The following TACC3 variants were observed in gnomAD, a reference collection of about 807,000 sequenced individuals.
TACC3 encodes the protein transforming acidic coiled-coil-containing protein 3.
In TACC3, 52 loss-of-function variants were observed where a neutral mutation model predicts 86.0. The ratio of observed to expected loss-of-function variants is 0.60; its 90% confidence interval spans 0.48 to 0.76. The LOEUF is 0.76. TACC3 is among the 30% of genes least tolerant of loss of function. The pLI, the probability that TACC3 is intolerant of heterozygous loss-of-function variation, is 0.00. For missense variants in TACC3, 1,120 were observed against 1,070.4 expected (o/e 1.05, Z -0.65); for synonymous variants, 512 against 430.0 (o/e 1.19, Z -2.36).
At chr4:1,723,252 G>T in intron 1 of TACC3, 169 bp from the exon 2 acceptor site, 1 of 683,946 alleles carries the variant, frequency 1.5e-6, no homozygotes, top group Non-Finnish European at 2.5e-6. Flanking sequence ...TGGGGACTCA[G>T]TCTGAGGCTT....
chr4:1,728,486 G>A lies in TACC3; in HGVS notation c.1084G>A (p.Gly362Ser), dbSNP rs753362559. The change falls in exon 4 of 16, where the codon GGC (glycine) becomes AGC (serine). Residue 362 changes from glycine (G) to serine (S), a missense_variant. Physicochemically the swap from Gly to Ser is moderately conservative, Grantham distance 56. Transcript: ENST00000313288. ...ACCAAGGAGACTGGGAGAGAGGTCCGGCCTCAAGCCTCCCTTGAGGAAAGC... is the reference window on the plus strand; with the variant it reads ...ACCAAGGAGACTGGGAGAGAGGTCCAGCCTCAAGCCTCCCTTGAGGAAAGC... ...PPPRRLGERS[G>S]LKPPLRKAAV... The A allele has an allele frequency of 2.5e-5, 41 of 1,613,942 alleles. No homozygotes were observed. The highest frequency in any genetic ancestry group is 4.0e-5 in the African/African-American group (3 of 75,052).
intron 1 of TACC3, among the ~76,000 whole-genome samples, chr4:1,722,410 C>T (rs1165210263): frequency 1.3e-5 from 2 of 152,218 alleles, no homozygotes; most frequent in African/African-American, 2.4e-5. Flanking sequence ...CCCATATGTG[C>T]CAGTGGCCAG....
intron 1 of TACC3, chr4:1,723,045 C>G (rs546315589): frequency 1.1e-5 from 2 of 189,466 alleles, no homozygotes; most frequent in Non-Finnish European, 2.2e-5. Flanking sequence ...CTGGCTCATC[C>G]GGGTTTCTTA....
chr4:1,744,277 C>T (rs948798449), intron 13 of TACC3, among the ~76,000 whole-genome samples: 2 of 152,220 alleles, frequency 1.3e-5, no homozygotes, highest in Admixed American at 6.5e-5. Context: ...GGGGCCCAGC[C>T]GTGAGGGCAC....
chr4:1,741,406 G>A (rs1013634209), intron 13 of TACC3: 1 of 155,424 alleles, frequency 6.4e-6, no homozygotes, highest in South Asian at 2.0e-4. Context: ...AGGTGGTCAC[G>A]GCTGTGCAAG....
Position 1,723,862 on chromosome 4 carries a change from G to A in TACC3, c.297G>A (p.Gln99=). Residue 99 remains glutamine (Q), a synonymous_variant, in exon 3 of 16, where the codon CAG becomes CAA. Coordinates refer to ENST00000313288, the MANE Select transcript of TACC3 (RefSeq NM_006342.3). ...GLENSHPVWT[Q]KENQQLIKEV... ...AAAACTCACACCCGGTCTGGACACAGAAAGAGAAGTAAGTGTTGGTGCTGC... is the reference window on the plus strand; with the variant it reads ...AAAACTCACACCCGGTCTGGACACAAAAAGAGAAGTAAGTGTTGGTGCTGC... 1 of 1,613,242 alleles carries A rather than the reference G, an allele frequency of 6.2e-7. No individual in the cohort carries two copies. The highest frequency in any genetic ancestry group is 8.5e-7 in the Non-Finnish European group (1 of 1,179,906).
At chr4:1,744,447 C>T (rs1718743678) in intron 13 of TACC3, 71 bp from the exon 14 acceptor site, 1 of 1,430,866 alleles carries the variant, frequency 7.0e-7, no homozygotes, top group East Asian at 2.3e-5. Context: ...TCTGCAGGTC[C>T]CCAGACACCA....
chr4:1,741,175 C>T, intron 13 of TACC3, 189 bp downstream of exon 13: 1 of 520,574 alleles, frequency 1.9e-6, no homozygotes, highest in Non-Finnish European at 3.3e-6. Context: ...TGCGAGGCAG[C>T]TGAGGGCGGC....
intron 4 of TACC3, 27 bp from the exon 5 acceptor site, chr4:1,730,860 G>C (rs1270282406): frequency 6.2e-7 from 1 of 1,610,212 alleles, no homozygotes; most frequent in Non-Finnish European, 8.5e-7. Context: ...TGGGGGGCAT[G>C]GGCCTCTGCT....
Position 1,723,888 on chromosome 4 carries a change from T to G in TACC3, c.305+18T>G, listed in dbSNP as rs767277016. Reference sequence around the variant, plus strand: ...AAAGAGAAGTAAGTGTTGGTGCTGCTGGACATGCTGGAGCTTCACCCTCTC... The same window carrying G: ...AAAGAGAAGTAAGTGTTGGTGCTGCGGGACATGCTGGAGCTTCACCCTCTC... On this transcript the variant is annotated intron_variant, in intron 3 of 15. Transcript: ENST00000313288. 5.5e-5 allele frequency: 88 copies of G among 1,611,798 alleles called. No individual in the cohort carries two copies. The highest frequency in any genetic ancestry group is 7.2e-5 in the Non-Finnish European group (85 of 1,179,230).
Position 1,740,903 on chromosome 4 carries a change from G to T in TACC3, c.2140G>T (p.Asp714Tyr). 3 of 1,613,372 alleles carry T rather than the reference G, an allele frequency of 1.9e-6. No individual in the cohort carries two copies. Among genetic ancestry groups the T allele is most frequent in the Non-Finnish European group, 2.5e-6 (3 of 1,179,872 alleles). Residue 714 changes from aspartate to tyrosine, a missense_variant, in exon 13 of 16, where the codon GAT (aspartate) becomes TAT (tyrosine). Coordinates refer to ENST00000313288, the MANE Select transcript of TACC3 (RefSeq NM_006342.3). ...VLKEKDQLTT[D>Y]LNSMEKSFSD... ...AAAAGAAAAAGACCAACTTACCACA[G>T]ATCTGAACTCCATGGAGAAGTCCTT... is the stretch of plus-strand genomic sequence containing the variant.
intron 13 of TACC3, 73 bp downstream of exon 13, chr4:1,741,059 AGCT>A (rs1718576146): frequency 6.8e-7 from 1 of 1,461,004 alleles, no homozygotes; most frequent in Non-Finnish European, 9.2e-7. Context: ...CGGGGCTACA[AGCT>A]GCTGTCTTTG....
intron 4 of TACC3, among the ~76,000 whole-genome samples, chr4:1,730,164 G>A (rs1038096838): frequency 2.4e-4 from 37 of 152,086 alleles, no homozygotes; most frequent in Non-Finnish European, 1.2e-4. Flanking sequence ...TCAGCCTCCC[G>A]AGTAGCTGGG....
At position 1,728,053 on chromosome 4, in the gene TACC3, G is replaced by A. The variant is rs750727837; in HGVS notation, c.651G>A (p.Pro217=). The A allele has an allele frequency of 2.2e-5, 34 of 1,542,380 alleles. No individual in the cohort carries two copies. The highest frequency in any genetic ancestry group is 3.8e-5 in the South Asian group (3 of 79,056). The change falls in exon 4 of 16, where the codon CCG becomes CCA. Residue 217 remains proline (P), a synonymous_variant. Coordinates refer to ENST00000313288, the MANE Select transcript of TACC3 (RefSeq NM_006342.3). ...RTESQHKAET[P]HGAEEECKAE... ...AGTCCCAGCACAAAGCGGAGACTCC[G>A]CACGGAGCCGAGGAAGAATGCAAAG...
chr4:1,735,760 C>G lies in TACC3; in HGVS notation c.1674C>G (p.Ser558=), dbSNP rs751451490. 2 of 1,613,230 alleles carry G rather than the reference C, an allele frequency of 1.2e-6. No individual in the cohort carries two copies. The highest frequency in any genetic ancestry group is 1.7e-6 in the Non-Finnish European group (2 of 1,179,840). The change falls in exon 8 of 16, where the codon TCC becomes TCG. Residue 558 remains serine (S), a synonymous_variant. Coordinates refer to ENST00000313288, the MANE Select transcript of TACC3 (RefSeq NM_006342.3). This position sits in a 1 kb window ranked among gnomAD's most constrained non-coding sequence, Gnocchi z 4.2. ...AGGAGTCGGCCTTGAGGAAGCAGTC[C>G]TTATACCTCAAGTTCGACCCCCTCC... ...SFKESALRKQ[S]LYLKFDPLLR...
chr4:1,741,257 G>C (rs1238163883), intron 13 of TACC3: 1 of 321,722 alleles, frequency 3.1e-6, no homozygotes, highest in African/African-American at 2.1e-5. Flanking sequence ...GCTATGATCA[G>C]GCATCTGTGA....
chr4:1,737,314 G>A lies in TACC3; in HGVS notation c.1822G>A (p.Ala608Thr). The stretch of plus-strand genomic sequence containing the variant: ...GCTTGTGGAGTTCGATTTCTTGGGA[G>A]CACTGGACATTCCTGTAAGTCCTTG... ...AKLVEFDFLGALDIPVPGPPP... is the reference protein window; with the variant it reads ...AKLVEFDFLGTLDIPVPGPPP... Residue 608 changes from alanine (A) to threonine (T), a missense_variant, in exon 9 of 16, where the codon GCA (alanine) becomes ACA (threonine). Transcript: ENST00000313288. 6.2e-7 allele frequency: 1 copy of A among 1,614,094 alleles called. No homozygotes were observed.
intron 6 of TACC3, among the ~76,000 whole-genome samples, chr4:1,731,797 G>A (rs1182482705): frequency 6.6e-6 from 1 of 152,230 alleles, no homozygotes; most frequent in Non-Finnish European, 1.5e-5. Flanking sequence ...ACCACATCCA[G>A]CTAATTTTTG....
intron 6 of TACC3, among the ~76,000 whole-genome samples, chr4:1,731,553 G>A (rs568420211): frequency 3.0e-4 from 46 of 152,240 alleles, no homozygotes; most frequent in Non-Finnish European, 4.1e-4. Flanking sequence ...ATGAGCAGGA[G>A]AGGTGAACAA....
Sources: gnomAD v4.1 joint callset for allele counts (sites outside exome capture counted in the v4.1 genomes callset) on GRCh38, gnomAD v4.1.1 for gene constraint, Gnocchi (gnomAD v3.1) non-coding constraint, MANE v1.5 for transcripts, NCBI Gene and HGNC (gene_info 2026-07-23, HGNC 2026-07-21) for gene names.